Variants in ITGA4 observed in about 807,000 individuals in gnomAD.
The protein encoded by ITGA4 is integrin alpha-4.
A neutral mutation model predicts 133.6 loss-of-function variants in ITGA4; 63 were observed. That is an observed-to-expected ratio of 0.47 (90% CI 0.38 to 0.58). The LOEUF (loss-of-function observed/expected upper bound fraction) is 0.58. Among genes scored for constraint, ITGA4 ranks in the 20% least tolerant of loss-of-function variants. The probability of loss-of-function intolerance (pLI) is 0.00; values close to 1 mark genes in which losing one functional copy is unlikely to be tolerated. For missense variants in ITGA4, 1,076 were observed against 1,252.7 expected (o/e 0.86, Z 2.13); for synonymous variants, 483 against 438.0 (o/e 1.10, Z -1.28).
rs751228122 is a variant in ITGA4, at chr2:181,495,952, C to T, written c.1540+15C>T. ...AGGTTACATTGGTGGGTATGCCCTA[C>T]AATATTAATGCTTGATGGGGTGCGG... On this transcript the variant is annotated intron_variant, in intron 14 of 27. Transcript: ENST00000397033. The surrounding 1 kb of genome is among the most constrained non-coding windows in gnomAD (Gnocchi z 4.3). The T allele has an allele frequency of 9.9e-6, 16 of 1,611,902 alleles. No homozygotes were observed. In the Admixed American group the frequency reaches 2.7e-4, roughly 27 times the overall value.
chr2:181,507,770 A>G (rs11675166), intron 15 of ITGA4, among the ~76,000 whole-genome samples: 38,084 of 152,048 alleles, frequency 0.25, 5,264 homozygotes, highest in Non-Finnish European at 0.31. Flanking sequence ...AAGAAAAAAA[A>G]TCTGTACATG....
chr2:181,507,327 G>A (rs752038607), intron 15 of ITGA4, among the ~76,000 whole-genome samples: 7 of 151,972 alleles, frequency 4.6e-5, no homozygotes, highest in African/African-American at 9.7e-5. Context: ...ATTTCTCATC[G>A]ACATGTCTTA....
intron 14 of ITGA4, chr2:181,498,188 T>C (rs1227594736): frequency 1.3e-5 from 2 of 152,178 alleles, no homozygotes; most frequent in Non-Finnish European, 2.9e-5. Context: ...AAAAAAGTCA[T>C]ATATAAAATT....
At chr2:181,530,088 A>G (rs1313262662) in intron 23 of ITGA4, among the ~76,000 whole-genome samples, 1 of 152,220 alleles carries the variant, frequency 6.6e-6, no homozygotes. Context: ...TTCCATCAGA[A>G]TTGTTTTGAG....
intron 15 of ITGA4, among the ~76,000 whole-genome samples, chr2:181,501,990 C>T (rs936975395): frequency 7.9e-5 from 12 of 151,908 alleles, no homozygotes; most frequent in Middle Eastern, 6.8e-3. Context: ...TACTCTGGGC[C>T]GCTACAACAT....
At chr2:181,489,122 A>C (rs1685986772) in intron 10 of ITGA4, among the ~76,000 whole-genome samples, 1 of 152,162 alleles carries the variant, frequency 6.6e-6, no homozygotes, top group African/African-American at 2.4e-5. Context: ...CTTTGTGTTC[A>C]TGGCAAGAAG....
At chr2:181,471,811 A>G (rs1685558635) in intron 2 of ITGA4, among the ~76,000 whole-genome samples, 1 of 152,200 alleles carries the variant, frequency 6.6e-6, no homozygotes, top group Non-Finnish European at 1.5e-5. Context: ...TTTATTCTTA[A>G]GTAAACATCT....
Position 181,478,744 on chromosome 2 carries a change from T to A in ITGA4, c.557-13T>A. The A allele has an allele frequency of 8.2e-7, 1 of 1,221,982 alleles. No individual in the cohort carries two copies. Among genetic ancestry groups the A allele is most frequent in the Non-Finnish European group, 1.1e-6 (1 of 871,420 alleles). 75.7% of individuals were successfully genotyped at this position (1,221,982 alleles called of 1,614,324 possible). On this transcript the variant is annotated splice_polypyrimidine_tract_variant and intron_variant, in intron 4 of 27. Transcript: ENST00000397033. The stretch of plus-strand genomic sequence containing the variant: ...AAGATAAAATTCTGAGTTGTTTTAA[T>A]ATTTCATTTTAGATTATGTGAAAAA...
rs1219510711 is a variant in ITGA4 at position 181,485,962 on chromosome 2, C to A, written c.1123C>A (p.Leu375Ile). ...AAGATTTGGGGAATCTATAGTTAAT[C>A]TTGGCGACATTGACAATGATGGCTT... Reference protein sequence around the residue: ...AARFGESIVNLGDIDNDGFED... With the variant: ...AARFGESIVNIGDIDNDGFED... The change falls in exon 10 of 28, where the codon CTT becomes ATT. Residue 375 changes from leucine (L) to isoleucine (I), a missense_variant. Physicochemically the swap from Leu to Ile is conservative, Grantham distance 5. Transcript: ENST00000397033. 1.3e-6 allele frequency: 2 copies of A among 1,599,396 alleles called. No homozygotes were observed. Among genetic ancestry groups the A allele is most frequent in the Non-Finnish European group, 8.5e-7 (1 of 1,176,450 alleles).
rs1687187789 is a variant in ITGA4, at chr2:181,537,343, C to T, written c.*1816C>T. ...AGCAGAGTACTATGGTTGTCCAACACAGGCCTCTCAGATACAAGGGGAACA... is the reference window on the plus strand; with the variant it reads ...AGCAGAGTACTATGGTTGTCCAACATAGGCCTCTCAGATACAAGGGGAACA... On this transcript the variant is annotated 3_prime_UTR_variant, in exon 28 of 28. Coordinates refer to ENST00000397033, the MANE Select transcript of ITGA4 (RefSeq NM_000885.6). The T allele has an allele frequency of 4.4e-6, 2 of 453,784 alleles. No homozygotes were observed. Among genetic ancestry groups the T allele is most frequent in the Non-Finnish European group, 8.8e-6 (2 of 226,682 alleles). The allele number at this position is 453,784 out of a possible 1,614,324, so 28.1% of individuals were successfully genotyped here.
rs565730415 is a variant in ITGA4 at position 181,538,148 on chromosome 2, T to C, written c.*2621T>C. ...TGGCCACATTTCTTTATATTAAAAT[T>C]CTAGTTTGTACATTTCTTTTAGAAA... On this transcript the variant is annotated 3_prime_UTR_variant, in exon 28 of 28. Coordinates refer to ENST00000397033, the MANE Select transcript of ITGA4 (RefSeq NM_000885.6). 1.5e-6 allele frequency: 2 copies of C among 1,367,566 alleles called. No individual in the cohort carries two copies. Among genetic ancestry groups the C allele is most frequent in the South Asian group, 2.3e-5 (2 of 85,656 alleles). 84.7% of individuals were successfully genotyped at this position (1,367,566 alleles called of 1,614,324 possible). A position where few individuals can be genotyped will look rare whatever the true frequency, so the allele number is the denominator to read the frequency against.
chr2:181,472,004 G>A (rs959567502), intron 2 of ITGA4, among the ~76,000 whole-genome samples: 2 of 149,722 alleles, frequency 1.3e-5, no homozygotes, highest in East Asian at 2.0e-4. Context: ...TTCCCAGAGA[G>A]CTGAGAGGCA....
intron 15 of ITGA4, among the ~76,000 whole-genome samples, chr2:181,503,062 T>C (rs547232473): frequency 1.3e-5 from 2 of 152,124 alleles, no homozygotes; most frequent in East Asian, 3.9e-4. Context: ...ATTGTTGGAA[T>C]CGACTATTAA....
Position 181,495,441 on chromosome 2 carries a change from T to TAATTACAATTAAACCA in ITGA4, c.1385+29_1385+30insACAATTAAACCAAATT. On this transcript the variant is annotated intron_variant, in intron 13 of 27. Transcript: ENST00000397033. The surrounding 1 kb of genome is among the most constrained non-coding windows in gnomAD (Gnocchi z 4.3). Reference sequence around the variant, plus strand: ...GGTAAGACTGATATATTTCACTGCTTAATTGCAATTTGGTTTAATTGTAAA... The same window carrying TAATTACAATTAAACCA: ...GGTAAGACTGATATATTTCACTGCTTAATTACAATTAAACCAAATTGCAATTTGGTTTAATTGTAAA... 1.3e-6 allele frequency: 2 copies of TAATTACAATTAAACCA among 1,567,248 alleles called. No homozygotes were observed. Among genetic ancestry groups the TAATTACAATTAAACCA allele is most frequent in the Non-Finnish European group, 1.8e-6 (2 of 1,137,766 alleles).
rs1242359908 is a variant in ITGA4 at position 181,516,083 on chromosome 2, G to A, written c.1922+4308G>A. Among the ~76,000 whole-genome samples, 1 of 152,018 alleles carries A rather than the reference G, an allele frequency of 6.6e-6. No homozygotes were observed. Among genetic ancestry groups the A allele is most frequent in the African/African-American group, 2.4e-5 (1 of 41,414 alleles). On this transcript the variant is annotated intron_variant, in intron 17 of 27. Transcript: ENST00000397033. This position sits in a 1 kb window ranked among gnomAD's most constrained non-coding sequence, Gnocchi z 4.0. ...ACTGCATTTATAAAGGACTTGCAGT[G>A]CAAAATAAAGATGAACCAACACGAC... is the stretch of plus-strand genomic sequence containing the variant.
At chr2:181,502,565 G>A (rs1686298427) in intron 15 of ITGA4, among the ~76,000 whole-genome samples, 1 of 152,126 alleles carries the variant, frequency 6.6e-6, no homozygotes, top group Non-Finnish European at 1.5e-5. Flanking sequence ...TGTGCTTGCA[G>A]ATGCTGGGTA....
rs1043647075 is a variant in ITGA4 at position 181,536,506 on chromosome 2, C to CACACAACTATT, written c.*980_*990dup. On this transcript the variant is annotated 3_prime_UTR_variant, in exon 28 of 28. Transcript: ENST00000397033. ...ATGTACTATGTAAAATATTGACTAT[C>CACACAACTATT]ACACAACTATTTCCTTGGATGTAAT... is the stretch of plus-strand genomic sequence containing the variant. Among the ~76,000 whole-genome samples, 1 of 151,842 alleles carries CACACAACTATT rather than the reference C, an allele frequency of 6.6e-6. No homozygotes were observed. The highest frequency in any genetic ancestry group is 1.5e-5 in the Non-Finnish European group (1 of 67,942).
chr2:181,490,651 C>G (rs1398201652), intron 10 of ITGA4, among the ~76,000 whole-genome samples: 1 of 151,994 alleles, frequency 6.6e-6, no homozygotes, highest in Non-Finnish European at 1.5e-5. Context: ...GGATCTGGAC[C>G]AGGCTGCAGG....
At chr2:181,475,791 AT>A in intron 4 of ITGA4, 1 of 1,583,776 alleles carries the variant, frequency 6.3e-7, no homozygotes. Context: ...AGTTTGAAAC[AT>A]TTTTCTCATG....
Sources: allele counts gnomAD v4.1 joint callset (sites outside exome capture counted in the v4.1 genomes callset), GRCh38; gene constraint gnomAD v4.1.1; non-coding constraint Gnocchi (gnomAD v3.1); transcripts MANE v1.5; gene names NCBI Gene and HGNC (gene_info 2026-07-23, HGNC 2026-07-21).